The following ATP8A2 variants were observed in gnomAD, a reference collection of about 807,000 sequenced individuals.
ATP8A2 encodes the protein ATPase phospholipid transporting 8A2.
In ATP8A2, 100 loss-of-function variants were observed where a neutral mutation model predicts 165.6. The observed-to-expected ratio is 0.60, with a 90% CI of 0.51 to 0.71. The LOEUF (loss-of-function observed/expected upper bound fraction) is 0.71. Ranked by LOEUF, ATP8A2 falls within the 30% of genes least tolerant of loss-of-function variation. The pLI, the probability that ATP8A2 is intolerant of heterozygous loss-of-function variation, is 0.00. For synonymous variants in ATP8A2, 543 were observed against 548.8 expected (o/e 0.99, Z 0.15); for missense variants, 1,227 against 1,479.5 (o/e 0.83, Z 2.80).
Position 25,953,724 on chromosome 13 carries a change from G to A in ATP8A2, c.3184-7851G>A, listed in dbSNP as rs538615265. ...AGGGCAAGCCGAAGCAGGGTGGGGC[G>A]TTGCCTCACCCGGGAAGCACAGGGG... On this transcript the variant is annotated intron_variant, in intron 33 of 36. Coordinates refer to ENST00000381655, the MANE Select transcript of ATP8A2 (RefSeq NM_016529.6). This position sits in a 1 kb window ranked among gnomAD's most constrained non-coding sequence, Gnocchi z 6.7. Among the ~76,000 whole-genome samples the A allele has an allele frequency of 1.4e-3, 219 of 152,078 alleles. No individual in the cohort carries two copies. The highest frequency in any genetic ancestry group is 3.8e-3 in the Admixed American group (58 of 15,288).
At chr13:25,468,821 C>A in intron 1 of ATP8A2, 156 bp from the exon 2 acceptor site, 2 of 983,988 alleles carry the variant, frequency 2.0e-6, no homozygotes, top group Non-Finnish European at 2.4e-6. Flanking sequence ...CAGGCGGCGG[C>A]GTCTCCAGGG....
intron 27 of ATP8A2, among the ~76,000 whole-genome samples, chr13:25,816,204 A>G (rs1397578624): frequency 2.6e-5 from 4 of 152,244 alleles, no homozygotes; most frequent in African/African-American, 9.6e-5. Flanking sequence ...AAAAGGACAT[A>G]AAACATATTG....
intron 25 of ATP8A2, among the ~76,000 whole-genome samples, chr13:25,731,507 A>G (rs931843760): frequency 6.7e-6 from 1 of 148,772 alleles, no homozygotes; most frequent in African/African-American, 2.4e-5. Flanking sequence ...TTCTCTTCCC[A>G]AACACTTTTG....
rs188387665 is a variant in ATP8A2 at position 25,384,542 on chromosome 13, C to T, written c.76+12254C>T. Among the ~76,000 whole-genome samples, 35 of 152,238 alleles carry T rather than the reference C, an allele frequency of 2.3e-4. No individual in the cohort carries two copies. In the East Asian group the frequency reaches 6.0e-3, roughly 26 times the overall value. ...TTTGAAGAATTCTTGTCTTTGTCTT[C>T]GTGTTTGGTAATTCGCTCTTCAGCT... is the stretch of plus-strand genomic sequence containing the variant. On this transcript the variant is annotated intron_variant, in intron 1 of 36. Transcript: ENST00000381655.
intron 16 of ATP8A2, chr13:25,567,477 G>A (rs763181836): frequency 2.3e-6 from 1 of 443,882 alleles, no homozygotes; most frequent in Non-Finnish European, 4.5e-6. Context: ...TAGTTTAGTG[G>A]GAAAGCCATT....
intron 27 of ATP8A2, among the ~76,000 whole-genome samples, chr13:25,798,813 G>A (rs1257725318): frequency 6.6e-6 from 1 of 152,022 alleles, no homozygotes; most frequent in East Asian, 1.9e-4. Flanking sequence ...ATGATGCAGG[G>A]GAGGCAAAGC....
rs1430520869 is a variant in ATP8A2 at position 26,023,230 on chromosome 13, A to G, written c.*3245A>G. The stretch of plus-strand genomic sequence containing the variant: ...TGTTCACCCATCTCCCAACACACAC[A>G]TGCACACATGAAAACAAAAACATGG... On this transcript the variant is annotated 3_prime_UTR_variant, in exon 37 of 37. Coordinates refer to ENST00000381655, the MANE Select transcript of ATP8A2 (RefSeq NM_016529.6). The G allele has an allele frequency of 2.0e-5, 3 of 152,234 alleles. No individual in the cohort carries two copies. The highest frequency in any genetic ancestry group is 4.8e-5 in the African/African-American group (2 of 41,450). The allele number at this position is 152,234 out of a possible 1,614,324, so 9.4% of individuals were successfully genotyped here. A position where few individuals can be genotyped will look rare whatever the true frequency, so the allele number is the denominator to read the frequency against.
At chr13:25,410,317 C>T (rs963581375) in intron 1 of ATP8A2, among the ~76,000 whole-genome samples, 3 of 152,086 alleles carry the variant, frequency 2.0e-5, no homozygotes, top group Non-Finnish European at 2.9e-5. Context: ...GGAAGCTTTT[C>T]ACCTTTTGTT....
chr13:25,905,028 C>T lies in ATP8A2; in HGVS notation c.3183+42620C>T, dbSNP rs181446129. Among the ~76,000 whole-genome samples, 13 of 152,254 alleles carry T rather than the reference C, an allele frequency of 8.5e-5. No individual in the cohort carries two copies. In the East Asian group the frequency reaches 1.2e-3, roughly 14 times the overall value. On this transcript the variant is annotated intron_variant, in intron 33 of 36. Coordinates refer to ENST00000381655, the MANE Select transcript of ATP8A2 (RefSeq NM_016529.6). ...TGTAAGCATGTGTACGCCCCACCCC[C>T]GCCACCGCCCCGAGGAGAAGAGTGT...
At chr13:25,757,466 A>C (rs1056098647) in intron 25 of ATP8A2, among the ~76,000 whole-genome samples, 1 of 151,644 alleles carries the variant, frequency 6.6e-6, no homozygotes, top group Middle Eastern at 3.2e-3. Flanking sequence ...ACTACTTTAA[A>C]TTCTATCCAT....
Position 25,546,706 on chromosome 13 carries a change from G to A in ATP8A2, c.891+3304G>A, listed in dbSNP as rs373316132. Among the ~76,000 whole-genome samples the A allele has an allele frequency of 2.0e-5, 3 of 152,170 alleles. 1 individual carries two copies. In the East Asian group the frequency reaches 5.8e-4, roughly 29 times the overall value. On this transcript the variant is annotated intron_variant, in intron 10 of 36. Transcript: ENST00000381655. Reference sequence around the variant, plus strand: ...TACAACAAATCATGCACTATTTTGAGTGATGCACATATATCAATTCATTTA... The same window carrying A: ...TACAACAAATCATGCACTATTTTGAATGATGCACATATATCAATTCATTTA...
Position 25,882,894 on chromosome 13 carries a change from A to AGATGATGATGAT in ATP8A2, c.3183+20521_3183+20532dup, listed in dbSNP as rs3837558. 1.4e-3 allele frequency among the ~76,000 whole-genome samples: 209 copies of AGATGATGATGAT among 147,352 alleles called. 4 individuals are homozygous for AGATGATGATGAT. The highest frequency in any genetic ancestry group is 3.0e-3 in the East Asian group (15 of 4,956). On this transcript the variant is annotated intron_variant, in intron 33 of 36. Transcript: ENST00000381655. Reference sequence around the variant, plus strand: ...GTTGTCCTTAAAGCCCCTGTGCCTGAGATGATGATGATGATGATGATGATG... The same window carrying AGATGATGATGAT: ...GTTGTCCTTAAAGCCCCTGTGCCTGAGATGATGATGATGATGATGATGATGATGATGATGATG...
intron 24 of ATP8A2, among the ~76,000 whole-genome samples, chr13:25,668,928 C>T (rs1412892709): frequency 6.6e-6 from 1 of 152,062 alleles, no homozygotes; most frequent in East Asian, 1.9e-4. Flanking sequence ...TAGCTATTTG[C>T]TTATACATTG....
At chr13:25,615,119 C>T (rs2040788659) in intron 24 of ATP8A2, among the ~76,000 whole-genome samples, 1 of 152,142 alleles carries the variant, frequency 6.6e-6, no homozygotes, top group East Asian at 1.9e-4. Flanking sequence ...TGTCCTTTGT[C>T]TTCGGCTACC....
At chr13:25,569,745 T>C (rs550144157) in intron 16 of ATP8A2, among the ~76,000 whole-genome samples, 4 of 152,318 alleles carry the variant, frequency 2.6e-5, no homozygotes, top group East Asian at 1.9e-4. Context: ...TCAGTGACAA[T>C]TGGATATTAA....
At chr13:25,892,255 T>A (rs306421) in intron 33 of ATP8A2, among the ~76,000 whole-genome samples, 1 of 151,812 alleles carries the variant, frequency 6.6e-6, no homozygotes, top group Non-Finnish European at 1.5e-5. Flanking sequence ...GGATTACAGG[T>A]GTGAGCCACT....
At chr13:25,461,167 T>A (rs2035493530) in intron 1 of ATP8A2, among the ~76,000 whole-genome samples, 1 of 152,232 alleles carries the variant, frequency 6.6e-6, no homozygotes, top group Non-Finnish European at 1.5e-5. Context: ...CGCTTTCCCT[T>A]TGTGTTTATT....
In ATP8A2 at chr13:25,818,357, A is replaced by G. The variant is rs148565139; in HGVS notation, c.2680-9761A>G. Among the ~76,000 whole-genome samples the G allele has an allele frequency of 1.9e-4, 29 of 152,340 alleles. No homozygotes were observed. In the East Asian group the frequency reaches 4.8e-3, roughly 25 times the overall value. On this transcript the variant is annotated intron_variant, in intron 27 of 36. Coordinates refer to ENST00000381655, the MANE Select transcript of ATP8A2 (RefSeq NM_016529.6). ...GTTCAAGTGACCATCTTAAAGTATC[A>G]GTAATATAATAAGTTAGTAGCCATA...
chr13:25,411,630 T>A (rs1324180514), intron 1 of ATP8A2, among the ~76,000 whole-genome samples: 1 of 152,232 alleles, frequency 6.6e-6, no homozygotes, highest in Non-Finnish European at 1.5e-5. Context: ...ATGCTCAGAA[T>A]GTATTGTTTT....
Sources: allele counts gnomAD v4.1 joint callset (sites outside exome capture counted in the v4.1 genomes callset), GRCh38; gene constraint gnomAD v4.1.1; non-coding constraint Gnocchi (gnomAD v3.1); transcripts MANE v1.5; gene names NCBI Gene and HGNC (gene_info 2026-07-23, HGNC 2026-07-21).